The following GTF2A1 variants were observed in gnomAD, a reference collection of about 807,000 sequenced individuals.
GTF2A1 encodes general transcription factor IIA subunit 1, also known as transcription initiation factor IIA subunit 1.
Under a neutral mutation model 54.1 loss-of-function variants are expected in GTF2A1, and 12 were observed. That is an observed-to-expected ratio of 0.22 (90% CI 0.14 to 0.36). The LOEUF (loss-of-function observed/expected upper bound fraction) is 0.36, where lower values mean the gene tolerates loss of function less well. GTF2A1 is among the 10% of genes least tolerant of loss of function. The probability of loss-of-function intolerance (pLI) is 1.00; values close to 1 mark genes in which losing one functional copy is unlikely to be tolerated. For missense variants in GTF2A1, 335 were observed against 442.2 expected, an observed-to-expected ratio of 0.76 and a Z score of 2.17; for synonymous variants, 145 against 152.0, an observed-to-expected ratio of 0.95 and a Z score of 0.34.
chr14:81,188,657 G>C (rs1595210509), intron 7 of GTF2A1, among the ~76,000 whole-genome samples: 1 of 151,278 alleles, frequency 6.6e-6, no homozygotes, highest in Admixed American at 6.6e-5. Context: ...GGCACCTGTA[G>C]TCCCAGCTAC....
chr14:81,181,161 T>C (rs892458104), intron 8 of GTF2A1, among the ~76,000 whole-genome samples: 2 of 152,212 alleles, frequency 1.3e-5, no homozygotes, highest in African/African-American at 4.8e-5. Context: ...CCTTCACTTA[T>C]AGTCCGTAGT....
At chr14:81,211,178 G>A (rs1383922557) in intron 2 of GTF2A1, among the ~76,000 whole-genome samples, 1 of 152,140 alleles carries the variant, frequency 6.6e-6, no homozygotes, top group East Asian at 1.9e-4. Flanking sequence ...TAACCCAGGT[G>A]GTCTGACTTC....
At chr14:81,200,422 G>C (rs1278451087) in intron 4 of GTF2A1, among the ~76,000 whole-genome samples, 1 of 151,904 alleles carries the variant, frequency 6.6e-6, no homozygotes, top group African/African-American at 2.4e-5. Context: ...TGAGGAGTTG[G>C]GCGACCAGCC....
intron 7 of GTF2A1, among the ~76,000 whole-genome samples, chr14:81,190,747 G>C: frequency 6.6e-6 from 1 of 152,004 alleles, no homozygotes; most frequent in East Asian, 1.9e-4. Flanking sequence ...GAAGAGAAGA[G>C]TGCCTGCTAT....
chr14:81,193,711 A>C (rs1892926940), intron 6 of GTF2A1, among the ~76,000 whole-genome samples: 1 of 152,204 alleles, frequency 6.6e-6, no homozygotes, highest in Admixed American at 6.5e-5. Flanking sequence ...GTTCCTTTCC[A>C]GGTTCTGCAT....
chr14:81,203,275 T>G (rs966636102), intron 3 of GTF2A1, among the ~76,000 whole-genome samples: 1 of 152,248 alleles, frequency 6.6e-6, no homozygotes, highest in Non-Finnish European at 1.5e-5. Context: ...ACACAGTCTA[T>G]GAATATTTGC....
At chr14:81,185,930 G>C (rs1047848969) in intron 7 of GTF2A1, among the ~76,000 whole-genome samples, 6 of 152,152 alleles carry the variant, frequency 3.9e-5, no homozygotes, top group Non-Finnish European at 7.3e-5. Flanking sequence ...TCGGCTCACT[G>C]CAACCTCTGC....
At chr14:81,204,404 C>G (rs1198660421) in intron 2 of GTF2A1, 2 of 442,582 alleles carry the variant, frequency 4.5e-6, no homozygotes, top group Non-Finnish European at 8.4e-6. Flanking sequence ...GAGTTTCATA[C>G]AAGCAACTTC....
Position 81,209,073 on chromosome 14 carries a change from T to C in GTF2A1, c.133-4969A>G, listed in dbSNP as rs142548675. ...GGAAGGTACGATTGGTTTTGAAATATGACGACATGAGATTTGGAGGGCCAG... is the reference window on the plus strand; with the variant it reads ...GGAAGGTACGATTGGTTTTGAAATACGACGACATGAGATTTGGAGGGCCAG... On this transcript the variant is annotated intron_variant, in intron 2 of 8. Transcript: ENST00000553612. Among the ~76,000 whole-genome samples, 5 of 152,184 alleles carry C rather than the reference T, an allele frequency of 3.3e-5. No individual in the cohort carries two copies. The East Asian group carries it at 5.8e-4, about 18-fold the overall frequency.
chr14:81,220,129 G>C (rs779699175), intron 1 of GTF2A1, among the ~76,000 whole-genome samples: 46 of 151,416 alleles, frequency 3.0e-4, no homozygotes, highest in Non-Finnish European at 6.3e-4. Flanking sequence ...CAGCGCGGAC[G>C]GGCCCCTCGG....
At chr14:81,193,222 AAT>A (rs959884060) in intron 6 of GTF2A1, among the ~76,000 whole-genome samples, 7 of 150,528 alleles carry the variant, frequency 4.7e-5, no homozygotes, top group Non-Finnish European at 1.0e-4. Context: ...GCTGGAGTGC[AAT>A]GGTGTGATCT....
intron 8 of GTF2A1, among the ~76,000 whole-genome samples, chr14:81,183,678 C>T (rs1487024996): frequency 1.3e-5 from 2 of 152,220 alleles, no homozygotes; most frequent in Non-Finnish European, 2.9e-5. Context: ...AGTTTACCTA[C>T]ATCTGATGCT....
At position 81,192,616 on chromosome 14, in the gene GTF2A1, G is replaced by A; in HGVS notation, c.836C>T (p.Thr279Ile). 1 of 1,612,664 alleles carries A rather than the reference G, an allele frequency of 6.2e-7. No individual in the cohort carries two copies. Among genetic ancestry groups the A allele is most frequent in the Non-Finnish European group, 8.5e-7 (1 of 1,178,692 alleles). ...LVLQVDGTGD[T>I]SSEEDEDEEE... is the part of the protein sequence containing the mutation. The stretch of plus-strand genomic sequence containing the variant: ...TTCATCTTCATCTTCTTCAGATGAT[G>A]TATCCCCAGTTCCATCAACTTGTAA... The change falls in exon 7 of 9, where the codon ACA (threonine) becomes ATA (isoleucine). Residue 279 changes from threonine (T) to isoleucine (I), a missense_variant. By Grantham distance (89) the Thr-to-Ile change is moderately conservative. Around this residue, in one of 2 missense-constraint regions of GTF2A1, gnomAD observed 306 missense variants for 360.4 expected, o/e 0.85. Transcript: ENST00000553612.
chr14:81,220,459 C>T (rs1171422167), intron 1 of GTF2A1, 30 bp downstream of exon 1: 6 of 1,525,006 alleles, frequency 3.9e-6, no homozygotes, highest in African/African-American at 1.4e-5. Context: ...CTGAACGAAG[C>T]CCCCGCCGGC....
chr14:81,212,777 G>T (rs1893401274), intron 2 of GTF2A1, among the ~76,000 whole-genome samples: 1 of 152,218 alleles, frequency 6.6e-6, no homozygotes, highest in Non-Finnish European at 1.5e-5. Flanking sequence ...TTTAAGTTTA[G>T]ATTAATAAAA....
intron 4 of GTF2A1, among the ~76,000 whole-genome samples, chr14:81,198,937 TTGGGCCTGAAATTCCCACTG>T (rs1893046353): frequency 6.6e-6 from 1 of 152,148 alleles, no homozygotes; most frequent in Admixed American, 6.5e-5. Context: ...TTTCTACATC[TTGGGCCTGAAATTCCCACTG>T]TGTCTCCAGA....
At chr14:81,220,451 G>A in intron 1 of GTF2A1, 38 bp downstream of exon 1, 3 of 1,509,672 alleles carry the variant, frequency 2.0e-6, no homozygotes, top group Non-Finnish European at 1.8e-6. Flanking sequence ...GCTGCAGCCT[G>A]AACGAAGCCC....
chr14:81,208,518 T>A (rs1216068010), intron 2 of GTF2A1, among the ~76,000 whole-genome samples: 1 of 151,824 alleles, frequency 6.6e-6, no homozygotes, highest in African/African-American at 2.4e-5. Flanking sequence ...TTACACAGAG[T>A]CCCTACTGGG....
intron 2 of GTF2A1, among the ~76,000 whole-genome samples, chr14:81,214,579 A>G (rs1893445203): frequency 6.6e-6 from 1 of 151,818 alleles, no homozygotes; most frequent in African/African-American, 2.4e-5. Context: ...CAGGGAGGCA[A>G]AGCTTGCAGT....
Sources: allele counts gnomAD v4.1 joint callset (sites outside exome capture counted in the v4.1 genomes callset), GRCh38; gene constraint gnomAD v4.1.1; regional missense constraint gnomAD v4.1.1; transcripts MANE v1.5; gene names NCBI Gene and HGNC (gene_info 2026-07-23, HGNC 2026-07-21).